TNFSF8: variants seen among roughly 807,000 people sequenced by gnomAD.
TNFSF8 encodes the protein TNF superfamily member 8, also known as tumor necrosis factor ligand superfamily member 8.
TNFSF8 carries 4 observed loss-of-function variants against 22.0 expected under a neutral mutation model. The observed-to-expected ratio is 0.18, with a 90% CI of 0.09 to 0.42. The LOEUF (loss-of-function observed/expected upper bound fraction) is 0.42. Among genes scored for constraint, TNFSF8 ranks in the 10% least tolerant of loss-of-function variants. The probability of loss-of-function intolerance (pLI) is 1.00; values close to 1 mark genes in which losing one functional copy is unlikely to be tolerated. For missense variants in TNFSF8, 233 were observed against 281.8 expected, an observed-to-expected ratio of 0.83 and a Z score of 1.24; for synonymous variants, 106 against 112.5, an observed-to-expected ratio of 0.94 and a Z score of 0.37.
At chr9:114,899,342 A>ATTTTTTTTTTTTTTTTTT (rs137946179), downstream of TNFSF8, among the ~76,000 whole-genome samples, 3 of 142,630 alleles carry the variant, frequency 2.1e-5, no homozygotes, top group Non-Finnish European at 3.0e-5. Flanking sequence ...ACAGTAAGTT[A>ATTTTTTTTTTTTTTTTTT]TTATTTTTTT....
chr9:114,911,202 ATTAAGT>A (rs1184388290), intron 2 of TNFSF8, among the ~76,000 whole-genome samples: 1 of 152,234 alleles, frequency 6.6e-6, no homozygotes. Flanking sequence ...GAGCTTCTCA[ATTAAGT>A]ACCTAAGTGT....
In TNFSF8 at chr9:114,905,740, C is replaced by G; in HGVS notation, c.310+88G>C. The G allele has an allele frequency of 3.9e-5, 41 of 1,038,706 alleles. No individual in the cohort carries two copies. The South Asian group carries it at 5.2e-4, about 13-fold the overall frequency. 64.3% of individuals were successfully genotyped at this position (1,038,706 alleles called of 1,614,324 possible). On this transcript the variant is annotated intron_variant, in intron 3 of 3. Transcript: ENST00000223795. ...CTGCAGGTCACATTTGGCCATGGGACTCTAATTATGACTTCTGGCTTAAAA... is the reference window on the plus strand; with the variant it reads ...CTGCAGGTCACATTTGGCCATGGGAGTCTAATTATGACTTCTGGCTTAAAA...
At chr9:114,899,227 T>C (rs530592271), downstream of TNFSF8, among the ~76,000 whole-genome samples, 1 of 152,308 alleles carries the variant, frequency 6.6e-6, no homozygotes, top group South Asian at 2.1e-4. Flanking sequence ...GGAAAGTATA[T>C]TTTTAGCATT....
chr9:114,894,530 C>T lies in TNFSF8; in HGVS notation c.410-366G>A, dbSNP rs576505881. On this transcript the variant is annotated intron_variant, in intron 4 of 4. Coordinates refer to the TNFSF8 transcript ENST00000618336. ...GAAATATAGCTCTGGAGCCAAACTG[C>T]AGTGGTTACATCTTAGCTCTTCAGC... Among the ~76,000 whole-genome samples the T allele has an allele frequency of 2.6e-5, 4 of 152,280 alleles. No individual in the cohort carries two copies. The South Asian group carries it at 6.2e-4, about 24-fold the overall frequency.
downstream of TNFSF8, chr9:114,901,048 T>C (rs1344269827): frequency 1.0e-6 from 1 of 985,138 alleles, no homozygotes; most frequent in African/African-American, 1.7e-5. Flanking sequence ...TGTGTGTGTG[T>C]GTGTGTGGTG....
chr9:114,904,701 T>C (rs891659315), intron 3 of TNFSF8, among the ~76,000 whole-genome samples: 2 of 152,206 alleles, frequency 1.3e-5, no homozygotes, highest in Non-Finnish European at 2.9e-5. Context: ...ATTGGAACTA[T>C]TATGTTCATT....
At chr9:114,908,375 C>G (rs1827810405) in intron 2 of TNFSF8, among the ~76,000 whole-genome samples, 1 of 152,242 alleles carries the variant, frequency 6.6e-6, no homozygotes, top group Non-Finnish European at 1.5e-5. Flanking sequence ...GCCTCATTCT[C>G]CCACTGGCAT....
chr9:114,925,260 C>T (rs533291265), intron 1 of TNFSF8, among the ~76,000 whole-genome samples: 2 of 152,136 alleles, frequency 1.3e-5, no homozygotes, highest in African/African-American at 4.8e-5. Context: ...GGCAGGAAAA[C>T]CACAACCACT....
At chr9:114,911,643 T>G (rs917217031) in intron 2 of TNFSF8, among the ~76,000 whole-genome samples, 2 of 152,162 alleles carry the variant, frequency 1.3e-5, no homozygotes, top group African/African-American at 4.8e-5. Context: ...ACACACTTAG[T>G]GCTGACTGAG....
intron 2 of TNFSF8, among the ~76,000 whole-genome samples, chr9:114,914,309 T>C (rs1257480694): frequency 6.6e-6 from 1 of 152,230 alleles, no homozygotes; most frequent in Non-Finnish European, 1.5e-5. Flanking sequence ...TGTGCTACAC[T>C]GCCCTACCAG....
chr9:114,926,262 T>C (rs542244879), intron 1 of TNFSF8, among the ~76,000 whole-genome samples: 27 of 152,146 alleles, frequency 1.8e-4, no homozygotes, highest in African/African-American at 5.5e-4. Context: ...ACCCCGTCTC[T>C]ACTAAAAATA....
At position 114,903,891 on chromosome 9, in the gene TNFSF8, G is replaced by C. The variant is rs765363634; in HGVS notation, c.*40C>G. On this transcript the variant is annotated 3_prime_UTR_variant, in exon 4 of 4. Transcript: ENST00000223795. ...GTTTGGAGGGATGAAATACTGTATG[G>C]TAGAGAGGCGCTTTCTTCCTGAAGG... 1.9e-6 allele frequency: 3 copies of C among 1,570,454 alleles called. No homozygotes were observed. The highest frequency in any genetic ancestry group is 2.6e-6 in the Non-Finnish European group (3 of 1,160,518).
intron 2 of TNFSF8, among the ~76,000 whole-genome samples, chr9:114,916,763 G>A (rs1564370823): frequency 6.6e-6 from 1 of 152,132 alleles, no homozygotes; most frequent in East Asian, 1.9e-4. Flanking sequence ...CGTGTAGTCA[G>A]CCTGGCTCAG....
chr9:114,916,909 A>G (rs1827926209), intron 2 of TNFSF8, among the ~76,000 whole-genome samples: 1 of 152,196 alleles, frequency 6.6e-6, no homozygotes, highest in Non-Finnish European at 1.5e-5. Flanking sequence ...TATTAATGTG[A>G]CTGTTTACAT....
At chr9:114,914,192 G>A (rs1042133070) in intron 2 of TNFSF8, among the ~76,000 whole-genome samples, 1 of 152,170 alleles carries the variant, frequency 6.6e-6, no homozygotes, top group Non-Finnish European at 1.5e-5. Flanking sequence ...ACCCCAGGGA[G>A]GATAGCTGTC....
At chr9:114,913,400 G>A (rs1186307471) in intron 2 of TNFSF8, among the ~76,000 whole-genome samples, 3 of 152,140 alleles carry the variant, frequency 2.0e-5, no homozygotes, top group Admixed American at 6.5e-5. Context: ...TAGAACCCTC[G>A]CCATGGACCA....
At chr9:114,924,293 G>T (rs917018102) in intron 1 of TNFSF8, among the ~76,000 whole-genome samples, 3 of 152,102 alleles carry the variant, frequency 2.0e-5, no homozygotes, top group Non-Finnish European at 4.4e-5. Context: ...GATTAAAACA[G>T]ATATTATCAT....
At chr9:114,906,997 TG>T (rs1587932816) in intron 2 of TNFSF8, among the ~76,000 whole-genome samples, 1 of 152,202 alleles carries the variant, frequency 6.6e-6, no homozygotes, top group Non-Finnish European at 1.5e-5. Context: ...GCCCATTCAA[TG>T]GAGCAGCCAC....
chr9:114,923,699 G>A (rs921907356), intron 1 of TNFSF8, among the ~76,000 whole-genome samples: 1 of 151,724 alleles, frequency 6.6e-6, no homozygotes, highest in African/African-American at 2.4e-5. Flanking sequence ...AGTATTTTTT[G>A]TAGAGACAGG....
Sources: allele counts gnomAD v4.1 joint callset (sites outside exome capture counted in the v4.1 genomes callset), GRCh38; gene constraint gnomAD v4.1.1; transcripts MANE v1.5; gene names NCBI Gene and HGNC (gene_info 2026-07-23, HGNC 2026-07-21).